Variants in LRMDA observed in about 807,000 individuals in gnomAD.
LRMDA encodes the protein leucine-rich melanocyte differentiation-associated protein.
A neutral mutation model predicts 29.8 loss-of-function variants in LRMDA; 18 were observed. That is an observed-to-expected ratio of 0.60 (90% confidence interval 0.42 to 0.90). LRMDA has a LOEUF of 0.90. LRMDA is among the 40% of genes least tolerant of loss of function. LRMDA has a pLI of 0.00. For missense variants in LRMDA, 273 were observed against 273.9 expected (o/e 1.00, Z 0.02); for synonymous variants, 125 against 109.4 (o/e 1.14, Z -0.89).
intron 6 of LRMDA, among the ~76,000 whole-genome samples, chr10:76,518,280 C>CATTT (rs1554825369): frequency 6.8e-5 from 10 of 146,570 alleles, no homozygotes; most frequent in African/African-American, 2.5e-4. Flanking sequence ...ATTTATCTAT[C>CATTT]ATCTATCTAT....
chr10:76,555,305 G>T (rs1843542513), intron 6 of LRMDA, among the ~76,000 whole-genome samples: 1 of 149,106 alleles, frequency 6.7e-6, no homozygotes, highest in African/African-American at 2.6e-5. Context: ...TCCCAAGAAG[G>T]GTCTCAGTGA....
chr10:76,179,438 A>G (rs1206782302), intron 5 of LRMDA, among the ~76,000 whole-genome samples: 1 of 152,080 alleles, frequency 6.6e-6, no homozygotes, highest in Non-Finnish European at 1.5e-5. Context: ...GACCAGTTCC[A>G]TAGCTGGCAT....
chr10:75,523,524 C>T (rs1184036271), intron 2 of LRMDA, among the ~76,000 whole-genome samples: 1 of 152,122 alleles, frequency 6.6e-6, no homozygotes, highest in Non-Finnish European at 1.5e-5. Flanking sequence ...ATCCATATAG[C>T]CAGGAGCTAT....
intron 2 of LRMDA, among the ~76,000 whole-genome samples, chr10:75,511,760 T>C (rs902631160): frequency 3.3e-5 from 5 of 152,232 alleles, no homozygotes; most frequent in Admixed American, 6.5e-5. Context: ...CTTTTTCTTC[T>C]GTTCCCTTCA....
intron 6 of LRMDA, among the ~76,000 whole-genome samples, chr10:76,510,868 C>T (rs1026281547): frequency 2.6e-5 from 4 of 152,164 alleles, no homozygotes; most frequent in African/African-American, 9.6e-5. Flanking sequence ...TGCACCTATG[C>T]AGTCTTCTTC....
At chr10:76,080,042 T>C (rs1279872543) in intron 5 of LRMDA, among the ~76,000 whole-genome samples, 2 of 152,182 alleles carry the variant, frequency 1.3e-5, no homozygotes, top group East Asian at 3.9e-4. Context: ...TCAGTGTATG[T>C]CTCAAGTTCT....
At chr10:76,504,251 T>A (rs1842938696) in intron 6 of LRMDA, among the ~76,000 whole-genome samples, 1 of 152,034 alleles carries the variant, frequency 6.6e-6, no homozygotes, top group African/African-American at 2.4e-5. Context: ...TGATTGAGCA[T>A]ATGGTTGATA....
At chr10:75,640,202 T>C (rs199626025) in intron 2 of LRMDA, among the ~76,000 whole-genome samples, 1 of 16,686 alleles carries the variant, frequency 6.0e-5, no homozygotes, top group East Asian at 2.5e-3. Context: ...CATAGCAGCA[T>C]TTTTAAAGTA....
intron 2 of LRMDA, among the ~76,000 whole-genome samples, chr10:75,612,682 G>T (rs1162279618): frequency 6.7e-6 from 1 of 148,702 alleles, no homozygotes; most frequent in Non-Finnish European, 1.5e-5. Context: ...ATATATTTTT[G>T]AGTAGTGGAT....
intron 2 of LRMDA, among the ~76,000 whole-genome samples, chr10:75,734,225 T>G (rs1313255870): frequency 6.6e-6 from 1 of 152,246 alleles, no homozygotes; most frequent in East Asian, 1.9e-4. Flanking sequence ...AGAAAAAAAT[T>G]AAACAATAAT....
chr10:75,957,649 A>T lies in LRMDA; in HGVS notation c.132-78359A>T, dbSNP rs56712544. Among the ~76,000 whole-genome samples, 599 of 152,330 alleles carry T rather than the reference A, an allele frequency of 3.9e-3. 5 individuals carry two copies. The highest frequency in any genetic ancestry group is 0.014 in the East Asian group (74 of 5,186). On this transcript the variant is annotated intron_variant, in intron 2 of 6. Coordinates refer to ENST00000611255, the MANE Select transcript of LRMDA (RefSeq NM_001305581.2). ...ATGAGTATTGATAAAAGTAAAGTTTAAAAATAGCCACGGAGTGATGGGTAG... is the reference window on the plus strand; with the variant it reads ...ATGAGTATTGATAAAAGTAAAGTTTTAAAATAGCCACGGAGTGATGGGTAG...
chr10:76,207,912 C>T lies in LRMDA; in HGVS notation c.517-116489C>T, dbSNP rs185835186. On this transcript the variant is annotated intron_variant, in intron 5 of 6. Coordinates refer to ENST00000611255, the MANE Select transcript of LRMDA (RefSeq NM_001305581.2). Reference sequence around the variant, plus strand: ...CCGGGAGGCAGAGGTTGCAGTGAGCCGAGATCAGGCCACTGCACTCCAGCA... The same window carrying T: ...CCGGGAGGCAGAGGTTGCAGTGAGCTGAGATCAGGCCACTGCACTCCAGCA... Among the ~76,000 whole-genome samples the T allele has an allele frequency of 4.6e-5, 7 of 152,018 alleles. No individual in the cohort carries two copies. The South Asian group carries it at 8.3e-4, about 18-fold the overall frequency.
intron 2 of LRMDA, among the ~76,000 whole-genome samples, chr10:75,702,459 C>G (rs1842320160): frequency 6.6e-6 from 1 of 152,176 alleles, no homozygotes; most frequent in Non-Finnish European, 1.5e-5. Flanking sequence ...TAGGGGCCCA[C>G]TAAAGACCTA....
intron 6 of LRMDA, among the ~76,000 whole-genome samples, chr10:76,478,568 A>G (rs1160221525): frequency 3.3e-5 from 5 of 152,140 alleles, no homozygotes; most frequent in African/African-American, 1.2e-4. Flanking sequence ...AAGGATTATA[A>G]ATGATGCTGC....
chr10:76,284,761 G>A (rs1840250818), intron 5 of LRMDA, among the ~76,000 whole-genome samples: 1 of 152,112 alleles, frequency 6.6e-6, no homozygotes, highest in Non-Finnish European at 1.5e-5. Context: ...ATTGAATCTT[G>A]AGGGTGGATT....
chr10:76,380,670 T>TA (rs531185581), intron 6 of LRMDA, among the ~76,000 whole-genome samples: 5,818 of 54,704 alleles, frequency 0.11, 332 homozygotes, highest in African/African-American at 0.24. Context: ...CTCCACTTCA[T>TA]AAAAAAAAAA....
At chr10:76,321,529 A>ATT (rs1840770819) in intron 5 of LRMDA, among the ~76,000 whole-genome samples, 2 of 130,772 alleles carry the variant, frequency 1.5e-5, no homozygotes, top group Non-Finnish European at 1.5e-5. Flanking sequence ...ATTTAAAGAC[A>ATT]TTCTTTTTTT....
At chr10:75,642,372 G>A (rs1480285319) in intron 2 of LRMDA, 2 of 152,168 alleles carry the variant, frequency 1.3e-5, no homozygotes, top group Non-Finnish European at 2.9e-5. Flanking sequence ...CTCCAAGCTG[G>A]AAGTAAAGTG....
chr10:76,486,862 G>A (rs899164048), intron 6 of LRMDA, among the ~76,000 whole-genome samples: 3 of 151,770 alleles, frequency 2.0e-5, no homozygotes, highest in Non-Finnish European at 4.4e-5. Flanking sequence ...ACTGGCCTTG[G>A]GAGAGGTCTA....
Sources: allele counts gnomAD v4.1 joint callset (sites outside exome capture counted in the v4.1 genomes callset), GRCh38; gene constraint gnomAD v4.1.1; transcripts MANE v1.5; gene names NCBI Gene and HGNC (gene_info 2026-07-23, HGNC 2026-07-21).